Variants in ADCY1 observed in about 807,000 individuals in gnomAD.
ADCY1 encodes adenylate cyclase type 1.
In ADCY1, 28 loss-of-function variants were observed where a neutral mutation model predicts 105.4. The observed-to-expected ratio is 0.27, with a 90% CI of 0.20 to 0.36. The LOEUF is 0.36. Ranked by LOEUF, ADCY1 falls within the 10% of genes least tolerant of loss-of-function variation. ADCY1 has a pLI of 1.00. For synonymous variants in ADCY1, 655 were observed against 623.8 expected, an observed-to-expected ratio of 1.05 and a Z score of -0.75; for missense variants, 977 against 1,434.2, an observed-to-expected ratio of 0.68 and a Z score of 5.15.
intron 2 of ADCY1, among the ~76,000 whole-genome samples, chr7:45,609,194 G>A (rs1384676440): frequency 6.6e-6 from 1 of 152,320 alleles, no homozygotes; most frequent in African/African-American, 2.4e-5. Flanking sequence ...CTGCTCCTAT[G>A]GCTCCTGAAC....
rs1276062080 is a variant in ADCY1 at position 45,589,949 on chromosome 7, G to T, written c.640-2810G>T. Reference sequence around the variant, plus strand: ...AGATATCCCAAGGGCAGGTAGTGATGGTTCCCATTCTCGTGAGGACAGATT... The same window carrying T: ...AGATATCCCAAGGGCAGGTAGTGATTGTTCCCATTCTCGTGAGGACAGATT... On this transcript the variant is annotated intron_variant, in intron 1 of 19. Transcript: ENST00000297323. Among the ~76,000 whole-genome samples the T allele has an allele frequency of 2.6e-5, 4 of 152,148 alleles. No individual in the cohort carries two copies. In the East Asian group the frequency reaches 7.7e-4, roughly 29 times the overall value.
At chr7:45,602,779 A>G (rs1323659723) in intron 2 of ADCY1, among the ~76,000 whole-genome samples, 4 of 152,200 alleles carry the variant, frequency 2.6e-5, no homozygotes, top group East Asian at 1.9e-4. Context: ...GCTTTTTCCT[A>G]TAGAGTTATT....
intron 1 of ADCY1, among the ~76,000 whole-genome samples, chr7:45,582,015 C>T (rs1792563356): frequency 6.6e-6 from 1 of 151,926 alleles, no homozygotes. Context: ...TACACATTCA[C>T]ATGCGCCCTC....
intron 14 of ADCY1, among the ~76,000 whole-genome samples, chr7:45,696,963 G>A (rs766556371): frequency 6.6e-6 from 1 of 152,194 alleles, no homozygotes; most frequent in African/African-American, 2.4e-5. Flanking sequence ...TAATTAAGGG[G>A]CTGAAGAGGA....
intron 11 of ADCY1, 86 bp downstream of exon 11, chr7:45,679,879 G>T (rs1291656390): frequency 1.1e-5 from 17 of 1,485,700 alleles, no homozygotes; most frequent in Non-Finnish European, 1.6e-5. Flanking sequence ...CATATCACCT[G>T]GTCCAGGTAT....
rs1373115028 is a variant in ADCY1 at position 45,721,460 on chromosome 7, T to C, written c.*7465T>C. On this transcript the variant is annotated 3_prime_UTR_variant, in exon 20 of 20. Transcript: ENST00000297323. ...AATCTCCTTAAGAGCTGTTGCCTTA[T>C]TTTTTTGTAAAGCCTCTCTGACATC... The C allele has an allele frequency of 1.0e-5, 4 of 388,176 alleles. No homozygotes were observed. The highest frequency in any genetic ancestry group is 1.8e-5 in the Non-Finnish European group (4 of 220,056). 24.0% of individuals were successfully genotyped at this position (388,176 alleles called of 1,614,324 possible).
chr7:45,608,605 A>G (rs1416325310), intron 2 of ADCY1, among the ~76,000 whole-genome samples: 3 of 152,300 alleles, frequency 2.0e-5, no homozygotes, highest in Middle Eastern at 6.8e-3. Flanking sequence ...CGTGTGCGGG[A>G]AGTCAGGATG....
chr7:45,707,814 C>T (rs1172643301), intron 17 of ADCY1, among the ~76,000 whole-genome samples: 2 of 152,038 alleles, frequency 1.3e-5, no homozygotes, highest in Non-Finnish European at 2.9e-5. Flanking sequence ...CCTAAAATTG[C>T]CCTAAAAATA....
chr7:45,637,115 G>T (rs1027833288), intron 4 of ADCY1, among the ~76,000 whole-genome samples: 2 of 151,842 alleles, frequency 1.3e-5, no homozygotes, highest in Non-Finnish European at 2.9e-5. Flanking sequence ...TGTTATTTTT[G>T]TGGTTGCTTT....
intron 8 of ADCY1, among the ~76,000 whole-genome samples, chr7:45,673,569 A>G (rs1342261377): frequency 2.0e-5 from 3 of 152,072 alleles, no homozygotes; most frequent in Non-Finnish European, 4.4e-5. Flanking sequence ...AGAGTTGTTT[A>G]TAATATTCCT....
chr7:45,700,968 A>G (rs1307961563), intron 14 of ADCY1, among the ~76,000 whole-genome samples: 2 of 152,248 alleles, frequency 1.3e-5, no homozygotes, highest in African/African-American at 4.8e-5. Flanking sequence ...CTGAGGCATC[A>G]CGTAACTATC....
At chr7:45,667,663 G>C (rs1784287020) in intron 8 of ADCY1, among the ~76,000 whole-genome samples, 1 of 152,154 alleles carries the variant, frequency 6.6e-6, no homozygotes, top group African/African-American at 2.4e-5. Flanking sequence ...CCAATTCTGT[G>C]AAGAAAGTCA....
intron 3 of ADCY1, among the ~76,000 whole-genome samples, chr7:45,618,761 G>T (rs142675957): frequency 6.6e-6 from 1 of 152,166 alleles, no homozygotes. Context: ...GTACCAGTTG[G>T]TGGGAATGTA....
intron 3 of ADCY1, among the ~76,000 whole-genome samples, chr7:45,612,989 G>A (rs774308955): frequency 5.9e-5 from 9 of 152,130 alleles, no homozygotes; most frequent in South Asian, 2.1e-4. Context: ...GTACAGGACC[G>A]GTCCATGAAG....
intron 5 of ADCY1, among the ~76,000 whole-genome samples, chr7:45,650,246 A>G (rs1351367684): frequency 2.0e-5 from 3 of 152,164 alleles, no homozygotes; most frequent in African/African-American, 7.2e-5. Flanking sequence ...ACCATATAAC[A>G]TATCACATAT....
chr7:45,631,644 A>G (rs1241628819), intron 4 of ADCY1, among the ~76,000 whole-genome samples: 2 of 152,242 alleles, frequency 1.3e-5, no homozygotes, highest in Non-Finnish European at 2.9e-5. Context: ...TATCAGATTA[A>G]TGTTTAATAA....
At chr7:45,616,010 T>C (rs1470904561) in intron 3 of ADCY1, among the ~76,000 whole-genome samples, 1 of 152,086 alleles carries the variant, frequency 6.6e-6, no homozygotes, top group African/African-American at 2.4e-5. Flanking sequence ...AGAAGAGATA[T>C]TATAACTGAG....
At chr7:45,584,108 T>G (rs186875458) in intron 1 of ADCY1, among the ~76,000 whole-genome samples, 40 of 152,144 alleles carry the variant, frequency 2.6e-4, no homozygotes, top group African/African-American at 9.2e-4. Flanking sequence ...CCATCATGCC[T>G]GGCTAATTTT....
chr7:45,578,670 C>T (rs1338508424), intron 1 of ADCY1, among the ~76,000 whole-genome samples: 1 of 152,168 alleles, frequency 6.6e-6, no homozygotes, highest in Admixed American at 6.5e-5. Context: ...GAAAGGGGGG[C>T]CTGGGCAGGG....
Sources: gnomAD v4.1 joint callset for allele counts (sites outside exome capture counted in the v4.1 genomes callset) on GRCh38, gnomAD v4.1.1 for gene constraint, MANE v1.5 for transcripts, NCBI Gene and HGNC (gene_info 2026-07-23, HGNC 2026-07-21) for gene names.